GLI3: variants seen among roughly 807,000 people sequenced by gnomAD.
GLI3 encodes transcription activator GLI3.
In GLI3, 20 loss-of-function variants were observed where a neutral mutation model predicts 100.8. The observed-to-expected ratio is 0.20, with a 90% confidence interval of 0.14 to 0.29. The LOEUF (loss-of-function observed/expected upper bound fraction) is 0.29, where lower values mean the gene tolerates loss of function less well. Ranked by LOEUF, GLI3 falls within the 10% of genes least tolerant of loss-of-function variation. GLI3 has a pLI of 1.00. For missense variants in GLI3, 2,040 were observed against 2,128.5 expected (o/e 0.96, Z 0.82); for synonymous variants, 938 against 860.5 (o/e 1.09, Z -1.58).
intron 10 of GLI3, among the ~76,000 whole-genome samples, chr7:41,983,282 G>A (rs1003750830): frequency 1.3e-5 from 2 of 152,154 alleles, no homozygotes; most frequent in African/African-American, 4.8e-5. Flanking sequence ...AAGGCAGTAG[G>A]AAGGACTGAA....
intron 4 of GLI3, among the ~76,000 whole-genome samples, chr7:42,069,432 G>A (rs544091061): frequency 6.6e-6 from 1 of 152,278 alleles, no homozygotes; most frequent in African/African-American, 2.4e-5. Context: ...TCCTAACTAT[G>A]AGGAAACTAT....
chr7:42,184,605 G>C, intron 2 of GLI3, among the ~76,000 whole-genome samples: 1 of 152,268 alleles, frequency 6.6e-6, no homozygotes, highest in South Asian at 2.1e-4. Flanking sequence ...ATGAATGAAT[G>C]AATGAAGCCA....
Position 42,216,842 on chromosome 7 carries a change from G to C in GLI3, c.124+6288C>G, listed in dbSNP as rs376957282. 5.9e-5 allele frequency among the ~76,000 whole-genome samples: 9 copies of C among 152,298 alleles called. No individual in the cohort carries two copies. In the East Asian group the frequency reaches 1.5e-3, roughly 26 times the overall value. ...AAGAGGCCAAGAGCCCTTGCATTTA[G>C]CTAAAGCATAGGTTATGCGATGGGA... On this transcript the variant is annotated intron_variant, in intron 2 of 14. Coordinates refer to ENST00000395925, the MANE Select transcript of GLI3 (RefSeq NM_000168.6).
At position 41,961,540 on chromosome 7, in the gene GLI3, T is replaced by C. The variant is rs745633052; in HGVS notation, c.*2790A>G. ...TGAGGAGTTGGGAGGGGTTAACTTT[T>C]TCAGAAAAATAAAACAAAAATGGTT... On this transcript the variant is annotated 3_prime_UTR_variant, in exon 15 of 15. Transcript: ENST00000395925. 2.0e-5 allele frequency: 3 copies of C among 152,452 alleles called. No homozygotes were observed. The highest frequency in any genetic ancestry group is 4.4e-5 in the Non-Finnish European group (3 of 67,984). The allele number at this position is 152,452 out of a possible 1,614,324, so 9.4% of individuals were successfully genotyped here. A position where few individuals can be genotyped will look rare whatever the true frequency, so the allele number is the denominator to read the frequency against.
intron 2 of GLI3, among the ~76,000 whole-genome samples, chr7:42,166,271 C>G (rs1001911884): frequency 2.0e-5 from 3 of 152,184 alleles, no homozygotes; most frequent in Non-Finnish European, 4.4e-5. Context: ...AGGGCAGGCG[C>G]TGGAATTCAG....
intron 2 of GLI3, among the ~76,000 whole-genome samples, chr7:42,213,975 C>T (rs184334664): frequency 2.0e-5 from 3 of 152,288 alleles, no homozygotes; most frequent in East Asian, 3.9e-4. Context: ...GGCCTGCAGG[C>T]GAGCAAAGGG....
chr7:42,003,486 G>C (rs1397740532), intron 10 of GLI3, among the ~76,000 whole-genome samples: 1 of 152,074 alleles, frequency 6.6e-6, no homozygotes, highest in African/African-American at 2.4e-5. Context: ...CTAAACAAAT[G>C]AGTGAAAGTA....
chr7:41,973,454 C>G (rs972690631), intron 12 of GLI3, among the ~76,000 whole-genome samples: 1 of 152,180 alleles, frequency 6.6e-6, no homozygotes, highest in Admixed American at 6.5e-5. Flanking sequence ...CCTAAGGATA[C>G]AGTCATAAAA....
intron 10 of GLI3, among the ~76,000 whole-genome samples, chr7:42,017,216 C>T (rs1161669673): frequency 1.3e-5 from 2 of 152,188 alleles, no homozygotes; most frequent in African/African-American, 4.8e-5. Flanking sequence ...TCCCACTTGT[C>T]TGGAGTGGAT....
At chr7:42,221,347 C>A (rs969830445) in intron 2 of GLI3, among the ~76,000 whole-genome samples, 1 of 152,196 alleles carries the variant, frequency 6.6e-6, no homozygotes, top group Non-Finnish European at 1.5e-5. Flanking sequence ...CTGAGATTGA[C>A]AAACAGGACA....
chr7:42,014,011 AAAACATCTCC>A (rs2128726715), intron 10 of GLI3, among the ~76,000 whole-genome samples: 1 of 152,304 alleles, frequency 6.6e-6, no homozygotes, highest in East Asian at 1.9e-4. Context: ...CTGTACTCGT[AAAACATCTCC>A]AAACTATCCT....
intron 5 of GLI3, among the ~76,000 whole-genome samples, chr7:42,047,518 T>C (rs1347039494): frequency 6.6e-6 from 1 of 152,202 alleles, no homozygotes; most frequent in East Asian, 1.9e-4. Flanking sequence ...CTGTAATTAA[T>C]AGGTGATGCA....
intron 7 of GLI3, among the ~76,000 whole-genome samples, chr7:42,030,280 G>C (rs992371462): frequency 3.9e-5 from 6 of 151,948 alleles, no homozygotes; most frequent in African/African-American, 1.5e-4. Context: ...CCGGATAATC[G>C]AGGATCATCT....
rs747703041 is a variant in GLI3, at chr7:42,102,600, G to T, written c.368-25743C>A. 7.2e-5 allele frequency among the ~76,000 whole-genome samples: 11 copies of T among 152,246 alleles called. No individual in the cohort carries two copies. In the South Asian group the frequency reaches 2.3e-3, roughly 31 times the overall value. ...GCCACCGAGCAGCTGTACAGGCTGG[G>T]TGTGCACTTAACTTCTTGGGCTTCA... On this transcript the variant is annotated intron_variant, in intron 3 of 14. Coordinates refer to ENST00000395925, the MANE Select transcript of GLI3 (RefSeq NM_000168.6).
At chr7:42,207,639 T>C (rs573822427) in intron 2 of GLI3, among the ~76,000 whole-genome samples, 11 of 152,256 alleles carry the variant, frequency 7.2e-5, no homozygotes, top group African/African-American at 2.4e-4. Context: ...TGTCCAATGA[T>C]AGGGGATTGA....
At chr7:42,207,879 C>T (rs1022271612) in intron 2 of GLI3, among the ~76,000 whole-genome samples, 2 of 152,200 alleles carry the variant, frequency 1.3e-5, no homozygotes, top group African/African-American at 2.4e-5. Flanking sequence ...AAAGCACAGC[C>T]GAGCACGGTG....
intron 6 of GLI3, among the ~76,000 whole-genome samples, chr7:42,043,336 C>T (rs1010273794): frequency 2.0e-5 from 3 of 152,180 alleles, no homozygotes; most frequent in African/African-American, 7.2e-5. Flanking sequence ...TTCTTCCCAA[C>T]TCCTTAATAA....
intron 10 of GLI3, among the ~76,000 whole-genome samples, chr7:41,983,478 C>T (rs1787730669): frequency 6.6e-6 from 1 of 152,068 alleles, no homozygotes; most frequent in Non-Finnish European, 1.5e-5. Context: ...GACGAATTGA[C>T]CCCATATGAA....
chr7:42,191,932 G>C (rs1787836254), intron 2 of GLI3, among the ~76,000 whole-genome samples: 1 of 151,720 alleles, frequency 6.6e-6, no homozygotes, highest in Non-Finnish European at 1.5e-5. Context: ...TCCCAATTAA[G>C]CCAAAAGGTC....
Sources: allele counts gnomAD v4.1 joint callset (sites outside exome capture counted in the v4.1 genomes callset), GRCh38; gene constraint gnomAD v4.1.1; transcripts MANE v1.5; gene names NCBI Gene and HGNC (gene_info 2026-07-23, HGNC 2026-07-21).